NEDD4L: variants seen among roughly 807,000 people sequenced by gnomAD.
NEDD4L encodes NEDD4 like E3 ubiquitin protein ligase, also known as E3 ubiquitin-protein ligase NEDD4-like.
Under a neutral mutation model 148.9 loss-of-function variants are expected in NEDD4L, and 54 were observed. That is an observed-to-expected ratio of 0.36 (90% CI 0.29 to 0.45). The LOEUF (loss-of-function observed/expected upper bound fraction) is 0.45, where lower values mean the gene tolerates loss of function less well. Among genes scored for constraint, NEDD4L ranks in the 20% least tolerant of loss-of-function variants. NEDD4L has a pLI of 1.00. For missense variants in NEDD4L, 856 were observed against 1,233.8 expected (o/e 0.69, Z 4.59); for synonymous variants, 433 against 440.7 (o/e 0.98, Z 0.22).
chr18:58,223,160 A>G (rs2043960200), intron 2 of NEDD4L, among the ~76,000 whole-genome samples: 1 of 152,094 alleles, frequency 6.6e-6, no homozygotes, highest in African/African-American at 2.4e-5. Flanking sequence ...TATTTAGTTA[A>G]GAGGAAGTAA....
chr18:58,383,433 G>A, intron 25 of NEDD4L, 114 bp downstream of exon 25: 1 of 647,692 alleles, frequency 1.5e-6, no homozygotes, highest in East Asian at 2.9e-5. Flanking sequence ...TTATTGGTCA[G>A]TTTTCAACAA....
Position 58,044,611 on chromosome 18 carries a change from G to T in NEDD4L, c.-50G>T, listed in dbSNP as rs547634889. 5 of 1,553,086 alleles carry T rather than the reference G, an allele frequency of 3.2e-6. No homozygotes were observed. Among genetic ancestry groups the T allele is most frequent in the Admixed American group, 3.8e-5 (2 of 52,768 alleles). ...GAGGGGAGAACCGGCCGTCCGCGCC[G>T]CAGCACAGCCGCTGGGAGCGCCTCA... On this transcript the variant is annotated 5_prime_UTR_variant, in exon 1 of 31. Transcript: ENST00000400345.
At chr18:58,116,264 A>G (rs1299960639) in intron 1 of NEDD4L, among the ~76,000 whole-genome samples, 2 of 152,224 alleles carry the variant, frequency 1.3e-5, no homozygotes, top group Non-Finnish European at 2.9e-5. Flanking sequence ...CACCAAATCA[A>G]CCACAAAATC....
chr18:58,191,636 A>T (rs2147195349), intron 2 of NEDD4L, among the ~76,000 whole-genome samples: 1 of 152,344 alleles, frequency 6.6e-6, no homozygotes, highest in South Asian at 2.1e-4. Flanking sequence ...GTTAAGCTAG[A>T]ACTTGGTGTA....
intron 5 of NEDD4L, among the ~76,000 whole-genome samples, chr18:58,284,470 T>A (rs528581060): frequency 5.3e-5 from 8 of 152,336 alleles, no homozygotes; most frequent in Admixed American, 1.3e-4. Flanking sequence ...TTTATTATAC[T>A]GTCACAGGTG....
At position 58,387,422 on chromosome 18, in the gene NEDD4L, T is replaced by A. The variant is rs1015093530; in HGVS notation, c.2488-17T>A. ...GAAGGCAATAGGTGTTTAAGATGTTTTTTTTTTTTCTTTCAGGGATTCACA... is the reference window on the plus strand; with the variant it reads ...GAAGGCAATAGGTGTTTAAGATGTTATTTTTTTTTCTTTCAGGGATTCACA... On this transcript the variant is annotated splice_polypyrimidine_tract_variant and intron_variant, in intron 26 of 30. Transcript: ENST00000400345. 5 of 1,520,268 alleles carry A rather than the reference T, an allele frequency of 3.3e-6. No individual in the cohort carries two copies. In the Admixed American group the frequency reaches 7.4e-5, roughly 23 times the overall value. The allele number at this position is 1,520,268 out of a possible 1,614,324, so 94.2% of individuals were successfully genotyped here.
At chr18:58,202,257 A>G (rs949995934) in intron 2 of NEDD4L, among the ~76,000 whole-genome samples, 1 of 152,244 alleles carries the variant, frequency 6.6e-6, no homozygotes. Context: ...AAACAAAGGG[A>G]GAGCCGGAAG....
At chr18:58,192,916 C>T (rs1599556100) in intron 2 of NEDD4L, among the ~76,000 whole-genome samples, 1 of 152,202 alleles carries the variant, frequency 6.6e-6, no homozygotes, top group African/African-American at 2.4e-5. Context: ...TTTCTGCCTG[C>T]TTTCTTCACT....
intron 1 of NEDD4L, among the ~76,000 whole-genome samples, chr18:58,057,384 A>G (rs1251083740): frequency 6.6e-6 from 1 of 152,104 alleles, no homozygotes; most frequent in Non-Finnish European, 1.5e-5. Flanking sequence ...GGAAAATAAG[A>G]CACTCACAGT....
chr18:58,066,346 T>C (rs1231549993), intron 1 of NEDD4L, among the ~76,000 whole-genome samples: 1 of 38,042 alleles, frequency 2.6e-5, no homozygotes, highest in African/African-American at 1.2e-4. Context: ...GGGAATTGGG[T>C]TTATTTTGGT....
At chr18:58,348,575 A>G (rs976872489) in intron 16 of NEDD4L, among the ~76,000 whole-genome samples, 5 of 151,868 alleles carry the variant, frequency 3.3e-5, no homozygotes, top group Non-Finnish European at 1.5e-5. Flanking sequence ...CAGCCTCCCA[A>G]AGTGCTGGGA....
At chr18:58,330,938 GA>G in intron 11 of NEDD4L, 24 bp downstream of exon 11, 1 of 1,608,146 alleles carries the variant, frequency 6.2e-7, no homozygotes. Flanking sequence ...TTGTTTGAAA[GA>G]AAAGCTGAGC....
intron 1 of NEDD4L, among the ~76,000 whole-genome samples, chr18:58,108,203 AT>A (rs780531712): frequency 1.3e-5 from 2 of 152,216 alleles, no homozygotes; most frequent in Non-Finnish European, 2.9e-5. Context: ...CATTTGAGTC[AT>A]TTATTGAACT....
intron 24 of NEDD4L, among the ~76,000 whole-genome samples, chr18:58,375,541 A>G (rs547490372): frequency 6.6e-6 from 1 of 152,180 alleles, no homozygotes; most frequent in South Asian, 2.1e-4. Flanking sequence ...CAACCTGTCA[A>G]CAAACAGTGT....
At chr18:58,316,664 G>A (rs528872478) in intron 6 of NEDD4L, among the ~76,000 whole-genome samples, 4 of 152,180 alleles carry the variant, frequency 2.6e-5, no homozygotes, top group African/African-American at 7.2e-5. Flanking sequence ...GACTAGTGAC[G>A]GGCATTAGGG....
At chr18:58,081,109 T>G (rs2083407889) in intron 1 of NEDD4L, among the ~76,000 whole-genome samples, 1 of 152,072 alleles carries the variant, frequency 6.6e-6, no homozygotes, top group Non-Finnish European at 1.5e-5. Flanking sequence ...CAGTGTGCAT[T>G]AAGAGACATT....
rs544878321 is a variant in NEDD4L, at chr18:58,074,434, A to ATT, written c.48+29745_48+29746dup. On this transcript the variant is annotated intron_variant, in intron 1 of 30. Transcript: ENST00000400345. ...CCACCATGCCTGGCTAATTTTTTGT[A>ATT]TTTTTTTTTTTTTTTTTTTTAATAG... is the stretch of plus-strand genomic sequence containing the variant. Among the ~76,000 whole-genome samples the ATT allele has an allele frequency of 1.3e-4, 14 of 111,758 alleles. No homozygotes were observed. In the East Asian group the frequency reaches 3.0e-3, roughly 24 times the overall value. 73.3% of individuals were successfully genotyped at this position (111,758 alleles called of 152,430 possible).
At chr18:58,223,130 A>G (rs1163256836) in intron 2 of NEDD4L, among the ~76,000 whole-genome samples, 1 of 152,102 alleles carries the variant, frequency 6.6e-6, no homozygotes, top group Non-Finnish European at 1.5e-5. Context: ...GAAGTCAAGA[A>G]GAGAGGAAGA....
chr18:58,064,698 G>C (rs996184648), intron 1 of NEDD4L, among the ~76,000 whole-genome samples: 4 of 152,302 alleles, frequency 2.6e-5, no homozygotes, highest in Middle Eastern at 3.4e-3. Context: ...AAATCATGGG[G>C]AAGTACTCGT....
Sources: allele counts gnomAD v4.1 joint callset (sites outside exome capture counted in the v4.1 genomes callset), GRCh38; gene constraint gnomAD v4.1.1; transcripts MANE v1.5; gene names NCBI Gene and HGNC (gene_info 2026-07-23, HGNC 2026-07-21).